ZNF726: variants seen among roughly 807,000 people sequenced by gnomAD.
ZNF726 encodes zinc finger protein 92 pseudogene 3.
In ZNF726, 15 loss-of-function variants were observed where a neutral mutation model predicts 11.6. The observed-to-expected ratio is 1.29, with a 90% confidence interval of 0.86 to 1.99. ZNF726 has a LOEUF of 1.99. ZNF726 is among the 30% of genes most tolerant of loss of function. The pLI is 0.00. For missense variants in ZNF726, 890 were observed against 725.6 expected, an observed-to-expected ratio of 1.23 and a Z score of -2.60; for synonymous variants, 295 against 243.6, an observed-to-expected ratio of 1.21 and a Z score of -1.96.
chr19:23,918,244 A>G (rs1967752782), intron 1 of ZNF726, among the ~76,000 whole-genome samples: 1 of 152,164 alleles, frequency 6.6e-6, no homozygotes, highest in Admixed American at 6.5e-5. Flanking sequence ...AAAGCAAGGG[A>G]AAAAAGGGCA....
chr19:23,939,393 GA>G (rs1968300730), downstream of ZNF726, among the ~76,000 whole-genome samples: 1 of 152,064 alleles, frequency 6.6e-6, no homozygotes, highest in Non-Finnish European at 1.5e-5. Flanking sequence ...TTGGTTCCAC[GA>G]GTTCAAAATT....
At chr19:23,916,380 T>A (rs1006527836) in intron 1 of ZNF726, among the ~76,000 whole-genome samples, 2 of 152,114 alleles carry the variant, frequency 1.3e-5, no homozygotes, top group Non-Finnish European at 2.9e-5. Flanking sequence ...GTGCAGTGGC[T>A]GGAGTGCAGT....
At position 23,933,593 on chromosome 19, in the gene ZNF726, T is replaced by A; in HGVS notation, c.1477T>A (p.Ser493Thr). Residue 493 changes from serine (S) to threonine (T), a missense_variant, in exon 4 of 4, where the codon TCC (serine) becomes ACC (threonine). Ser to Thr is a moderately conservative substitution (Grantham distance 58, BLOSUM62 1). Coordinates refer to ENST00000594466, the MANE Select transcript of ZNF726 (RefSeq NM_001244038.2). ...AGAATGTGGCAAAGCTTTTAGCCAGTCCTCAACCCTTACTGCACATAAGAT... is the reference window on the plus strand; with the variant it reads ...AGAATGTGGCAAAGCTTTTAGCCAGACCTCAACCCTTACTGCACATAAGAT... ...CEECGKAFSQSSTLTAHKIIH... is the reference protein window; with the variant it reads ...CEECGKAFSQTSTLTAHKIIH... The A allele has an allele frequency of 6.2e-7, 1 of 1,610,944 alleles. No individual in the cohort carries two copies. The highest frequency in any genetic ancestry group is 8.5e-7 in the Non-Finnish European group (1 of 1,179,030).
chr19:23,917,449 G>C (rs1967728850), intron 1 of ZNF726, among the ~76,000 whole-genome samples: 1 of 149,980 alleles, frequency 6.7e-6, no homozygotes, highest in Admixed American at 6.7e-5. Flanking sequence ...ATTTCATACA[G>C]AAGTCCATCT....
At chr19:23,944,280 A>G (rs147584807) in intron 4 of ZNF726, 1 of 152,028 alleles carries the variant, frequency 6.6e-6, no homozygotes, top group African/African-American at 2.4e-5. Flanking sequence ...CTTTTCTTGT[A>G]TATATGGTTT....
intron 3 of ZNF726, chr19:23,923,408 A>ATT (rs1216707564): frequency 5.0e-6 from 2 of 396,602 alleles, no homozygotes; most frequent in Admixed American, 6.3e-5. Flanking sequence ...AGATGCCAGT[A>ATT]ATTTTTTTTT....
chr19:23,919,244 A>G, intron 1 of ZNF726, 129 bp from the exon 2 acceptor site: 2 of 1,410,174 alleles, frequency 1.4e-6, no homozygotes, highest in East Asian at 2.5e-5. Context: ...CAATTATTTT[A>G]TTGGATAATT....
In ZNF726 at chr19:23,933,970, G is replaced by C. The variant is rs745782021; in HGVS notation, c.*3G>C. Reference sequence around the variant, plus strand: ...AGCATAAGAGGATTCATACTTGAGAGAAACCTTAAAAAGGGTAAAGAATGT... The same window carrying C: ...AGCATAAGAGGATTCATACTTGAGACAAACCTTAAAAAGGGTAAAGAATGT... On this transcript the variant is annotated 3_prime_UTR_variant, in exon 4 of 4. Coordinates refer to ENST00000594466, the MANE Select transcript of ZNF726 (RefSeq NM_001244038.2). 2 of 1,571,426 alleles carry C rather than the reference G, an allele frequency of 1.3e-6. No homozygotes were observed. Among genetic ancestry groups the C allele is most frequent in the South Asian group, 2.3e-5 (2 of 86,914 alleles).
At position 23,932,889 on chromosome 19, in the gene ZNF726, AGT is replaced by A. The variant is rs1968142159; in HGVS notation, c.777_778del (p.Cys259Ter). On this transcript the variant is annotated frameshift_variant, in exon 4 of 4. Transcript: ENST00000594466. LOFTEE classifies it low-confidence loss of function (END_TRUNC). ...ACTCATACTGGAGAGAAGCCTTACA[AGT>A]GTGAAGAATGTGGCAAAGCATTTAG... The A allele has an allele frequency of 6.2e-7, 1 of 1,609,816 alleles. No individual in the cohort carries two copies. Among genetic ancestry groups the A allele is most frequent in the African/African-American group, 1.3e-5 (1 of 74,864 alleles).
At chr19:23,929,420 A>G in intron 3 of ZNF726, 1 of 166,212 alleles carries the variant, frequency 6.0e-6, no homozygotes, top group East Asian at 1.7e-4. Context: ...GTGGAAGGTG[A>G]AAGGCATGTC....
downstream of ZNF726, among the ~76,000 whole-genome samples, chr19:23,936,884 G>A (rs984475416): frequency 2.0e-5 from 3 of 152,020 alleles, no homozygotes; most frequent in East Asian, 1.9e-4. Flanking sequence ...GCAACCATCC[G>A]ATTTCTCAAT....
chr19:23,919,136 C>G lies in ZNF726; in HGVS notation c.4-237C>G, dbSNP rs1967777332. ...ATGTTAGTACATTTTTACACTTTATCATTCAGAAAAGTATCATATATACAC... is the reference window on the plus strand; with the variant it reads ...ATGTTAGTACATTTTTACACTTTATGATTCAGAAAAGTATCATATATACAC... On this transcript the variant is annotated intron_variant, in intron 1 of 3. Coordinates refer to ENST00000594466, the MANE Select transcript of ZNF726 (RefSeq NM_001244038.2). 1.2e-5 allele frequency: 5 copies of G among 427,990 alleles called. No individual in the cohort carries two copies. The South Asian group carries it at 1.4e-4, about 12-fold the overall frequency. 26.5% of individuals were successfully genotyped at this position (427,990 alleles called of 1,614,324 possible).
intron 3 of ZNF726, among the ~76,000 whole-genome samples, chr19:23,925,322 G>A (rs1252862695): frequency 2.0e-5 from 3 of 151,706 alleles, no homozygotes; most frequent in Non-Finnish European, 4.4e-5. Flanking sequence ...TAAAATAATT[G>A]GTACATCTTT....
intron 3 of ZNF726, among the ~76,000 whole-genome samples, chr19:23,941,245 T>C (rs1484106782): frequency 6.6e-6 from 1 of 152,200 alleles, no homozygotes; most frequent in Non-Finnish European, 1.5e-5. Flanking sequence ...ATCATTTGAT[T>C]TTTGTTTTGA....
rs1367506154 is a variant in ZNF726, at chr19:23,932,789, G to A, written c.673G>A (p.Glu225Lys). Residue 225 changes from glutamate (E) to lysine (K), a missense_variant, in exon 4 of 4, where the codon GAA becomes AAA. Physicochemically the swap from Glu to Lys is moderately conservative, Grantham distance 56 (BLOSUM62 1). Coordinates refer to ENST00000594466, the MANE Select transcript of ZNF726 (RefSeq NM_001244038.2). The part of the protein sequence containing the change: ...TLTNHKKTHT[E>K]EKPYKCEEYG... ...TACTAATCATAAGAAAACTCATACT[G>A]AAGAAAAGCCCTACAAATGTGAAGA... 3 of 1,611,680 alleles carry A rather than the reference G, an allele frequency of 1.9e-6. No homozygotes were observed. The African/African-American group carries it at 4.0e-5, about 22-fold the overall frequency.
chr19:23,916,497 AT>A (rs1288693178), intron 1 of ZNF726, among the ~76,000 whole-genome samples: 1 of 151,964 alleles, frequency 6.6e-6, no homozygotes, highest in Non-Finnish European at 1.5e-5. Context: ...CGCCTGGCTA[AT>A]TTTTGTAGTT....
intron 3 of ZNF726, among the ~76,000 whole-genome samples, chr19:23,925,438 C>T (rs372714415): frequency 6.6e-6 from 1 of 152,146 alleles, no homozygotes; most frequent in African/African-American, 2.4e-5. Flanking sequence ...AGGATTCACC[C>T]ACCTCTGCCT....
chr19:23,939,020 G>C (rs1968294684), downstream of ZNF726, among the ~76,000 whole-genome samples: 1 of 151,972 alleles, frequency 6.6e-6, no homozygotes, highest in South Asian at 2.1e-4. Flanking sequence ...TGTTTGGTTA[G>C]ATGAGTTAAG....
intron 2 of ZNF726, 144 bp from the exon 3 acceptor site, chr19:23,919,843 A>C (rs527575256): frequency 2.7e-4 from 137 of 498,722 alleles, no homozygotes; most frequent in Non-Finnish European, 4.0e-4. Context: ...ATATTCTGTA[A>C]ATATTTAAAA....
Sources: allele counts gnomAD v4.1 joint callset (sites outside exome capture counted in the v4.1 genomes callset), GRCh38; gene constraint gnomAD v4.1.1; transcripts MANE v1.5; gene names NCBI Gene and HGNC (gene_info 2026-07-23, HGNC 2026-07-21).